The following SCAF4 variants were observed in gnomAD, a reference collection of about 807,000 sequenced individuals.
The protein encoded by SCAF4 is SR-related and CTD-associated factor 4.
Under a neutral mutation model 129.8 loss-of-function variants are expected in SCAF4, and 25 were observed. That is an observed-to-expected ratio of 0.19 (90% CI 0.14 to 0.27). SCAF4 has a LOEUF of 0.27. Ranked by LOEUF, SCAF4 falls within the 10% of genes least tolerant of loss-of-function variation. SCAF4 has a pLI of 1.00. For missense variants in SCAF4, 1,246 were observed against 1,457.1 expected (o/e 0.86, Z 2.36); for synonymous variants, 551 against 497.7 (o/e 1.11, Z -1.43).
intron 1 of SCAF4, among the ~76,000 whole-genome samples, chr21:31,710,334 A>G (rs2050770583): frequency 6.6e-6 from 1 of 152,162 alleles, no homozygotes; most frequent in Admixed American, 6.5e-5. Flanking sequence ...AGATCACCTG[A>G]GGTCAGGAGT....
intron 15 of SCAF4, among the ~76,000 whole-genome samples, chr21:31,689,015 G>A (rs9977829): frequency 7.2e-4 from 110 of 152,260 alleles, no homozygotes; most frequent in African/African-American, 2.6e-3. Flanking sequence ...CTGAGGCTCT[G>A]GCTCCATCAG....
At chr21:31,677,514 C>T (rs1305928491) in intron 19 of SCAF4, among the ~76,000 whole-genome samples, 1 of 152,158 alleles carries the variant, frequency 6.6e-6, no homozygotes, top group Non-Finnish European at 1.5e-5. Flanking sequence ...TGTAACTGGG[C>T]TTTTGAACTC....
At position 31,694,924 on chromosome 21, in the gene SCAF4, T is replaced by C; in HGVS notation, c.1125A>G (p.Pro375=). 1 of 1,614,008 alleles carries C rather than the reference T, an allele frequency of 6.2e-7. No homozygotes were observed. Among genetic ancestry groups the C allele is most frequent in the Non-Finnish European group, 8.5e-7 (1 of 1,179,950 alleles). Residue 375 remains proline, a synonymous_variant, in exon 10 of 20, where the codon CCA becomes CCG. Coordinates refer to ENST00000286835, the MANE Select transcript of SCAF4 (RefSeq NM_020706.2). The part of the protein sequence containing the change: ...MPGFGLLPTP[P]FPPMAQPVIP... ...TCACAGGCTGAGCCATGGGAGGAAATGGAGGTGTAGGAAGAAGTCCAAATC... is the reference window on the plus strand; with the variant it reads ...TCACAGGCTGAGCCATGGGAGGAAACGGAGGTGTAGGAAGAAGTCCAAATC...
In SCAF4 at chr21:31,693,421, A is replaced by G. The variant is rs745673042; in HGVS notation, c.1386T>C (p.Ser462=). The G allele has an allele frequency of 1.9e-6, 3 of 1,568,194 alleles. No individual in the cohort carries two copies. The highest frequency in any genetic ancestry group is 2.6e-6 in the Non-Finnish European group (3 of 1,147,996). ...SRSRRSRHRR[S]RSRSRDRRRH... is the part of the protein sequence containing the mutation. ...GGCGTCTATCCCTGGACCGAGATCGAGAACGTCGATGCCGAGACCTTCGAG... is the reference window on the plus strand; with the variant it reads ...GGCGTCTATCCCTGGACCGAGATCGGGAACGTCGATGCCGAGACCTTCGAG... The change falls in exon 12 of 20, where the codon TCT becomes TCC. Residue 462 remains serine (S), a synonymous_variant. Transcript: ENST00000286835.
Position 31,671,455 on chromosome 21 carries a change from T to G in SCAF4, c.3388A>C (p.Thr1130Pro). ...TCCTTTTCGGGTTCAACGGATGAGG[T>G]AGCCTCAGCAGGTAACTCTTCAGAA... Reference protein sequence around the residue: ...KPSEELPAEATSSVEPEKDSG... With the variant: ...KPSEELPAEAPSSVEPEKDSG... The change falls in exon 20 of 20, where the codon ACC (threonine) becomes CCC (proline). Residue 1130 changes from threonine to proline, a missense_variant. By Grantham distance (38) the Thr-to-Pro change is conservative. Coordinates refer to ENST00000286835, the MANE Select transcript of SCAF4 (RefSeq NM_020706.2). The G allele has an allele frequency of 6.2e-7, 1 of 1,614,010 alleles. No individual in the cohort carries two copies. The highest frequency in any genetic ancestry group is 8.5e-7 in the Non-Finnish European group (1 of 1,179,908).
rs201723551 is a variant in SCAF4, at chr21:31,672,250, T to C, written c.2593A>G (p.Met865Val). The C allele has an allele frequency of 6.2e-7, 1 of 1,613,244 alleles. No individual in the cohort carries two copies. Among genetic ancestry groups the C allele is most frequent in the Admixed American group, 1.7e-5 (1 of 59,876 alleles). ...AACCGCTGTAAGTGAGGTGGGGGCA[T>C]TCCTGGAGGGCGCTGGAGTGGGATG... ...GLIPLQRPPGMPPPHLQRFPL... is the reference protein window; with the variant it reads ...GLIPLQRPPGVPPPHLQRFPL... The change falls in exon 20 of 20, where the codon ATG becomes GTG. Residue 865 changes from methionine (M) to valine (V), a missense_variant. This residue lies in a region of SCAF4 where 468 missense variants were observed against 605.5 expected (regional missense o/e 0.77). Transcript: ENST00000286835.
intron 15 of SCAF4, among the ~76,000 whole-genome samples, chr21:31,688,891 A>C (rs2050191979): frequency 6.6e-6 from 1 of 152,204 alleles, no homozygotes; most frequent in African/African-American, 2.4e-5. Context: ...ATAATGAAAC[A>C]CCCAATATTT....
At chr21:31,690,356 G>A (rs773657161) in intron 15 of SCAF4, among the ~76,000 whole-genome samples, 2 of 152,038 alleles carry the variant, frequency 1.3e-5, no homozygotes, top group Non-Finnish European at 2.9e-5. Context: ...AAGGTGGCAC[G>A]CGCCTGTAGT....
intron 1 of SCAF4, chr21:31,713,005 T>A (rs1190168823): frequency 4.2e-6 from 1 of 237,532 alleles, no homozygotes; most frequent in East Asian, 1.8e-4. Context: ...AAATCAATTA[T>A]ACTGCTCATT....
At position 31,685,551 on chromosome 21, in the gene SCAF4, C is replaced by T. The variant is rs1291941329; in HGVS notation, c.2209+17G>A. 1.9e-6 allele frequency: 3 copies of T among 1,613,904 alleles called. No individual in the cohort carries two copies. The highest frequency in any genetic ancestry group is 2.2e-5 in the East Asian group (1 of 44,866). On this transcript the variant is annotated intron_variant, in intron 17 of 19. Transcript: ENST00000286835. ...CATCGCAGGCTCTAAAGTATGTTCA[C>T]AGACAATTTAGTGTACCTGGTGGTA... is the stretch of plus-strand genomic sequence containing the variant.
chr21:31,720,358 C>T (rs1265035373), intron 1 of SCAF4, among the ~76,000 whole-genome samples: 1 of 152,186 alleles, frequency 6.6e-6, no homozygotes, highest in Non-Finnish European at 1.5e-5. Flanking sequence ...TACTGCATTA[C>T]TGTGGATGGC....
chr21:31,709,854 T>TAAAA (rs560133020), intron 1 of SCAF4, among the ~76,000 whole-genome samples: 9 of 135,620 alleles, frequency 6.6e-5, no homozygotes, highest in Non-Finnish European at 1.1e-4. Flanking sequence ...AGATGATACT[T>TAAAA]AAAAAAAAAA....
chr21:31,671,243 TTTTTAAATAGAAGGGAAGCA>T lies in SCAF4; in HGVS notation c.*136_*155del. On this transcript the variant is annotated 3_prime_UTR_variant, in exon 20 of 20. Transcript: ENST00000286835. ...AGTATTTTTTGTTATTTTGTGGCTATTTTTAAATAGAAGGGAAGCAATCAAATTGCTTACAGTTCCCCACC... is the reference window on the plus strand; with the variant it reads ...AGTATTTTTTGTTATTTTGTGGCTATATCAAATTGCTTACAGTTCCCCACC... 1 of 641,976 alleles carries T rather than the reference TTTTTAAATAGAAGGGAAGCA, an allele frequency of 1.6e-6. No individual in the cohort carries two copies. The highest frequency in any genetic ancestry group is 2.4e-6 in the Non-Finnish European group (1 of 416,334). 39.8% of individuals were successfully genotyped at this position (641,976 alleles called of 1,614,324 possible).
intron 1 of SCAF4, among the ~76,000 whole-genome samples, chr21:31,730,860 T>C (rs753916947): frequency 2.0e-5 from 3 of 152,178 alleles, no homozygotes; most frequent in African/African-American, 7.2e-5. Context: ...CACATGTAAA[T>C]GTCCTCGTAG....
intron 1 of SCAF4, among the ~76,000 whole-genome samples, chr21:31,712,305 C>T (rs1303394659): frequency 6.7e-6 from 1 of 150,234 alleles, no homozygotes; most frequent in East Asian, 2.0e-4. Context: ...GCAACCTCTG[C>T]CTCCCGGTTT....
rs371229561 is a variant in SCAF4 at position 31,691,901 on chromosome 21, A to G, written c.1644T>C (p.Ile548=). Residue 548 remains isoleucine (I), a synonymous_variant, in exon 14 of 20, where the codon ATT becomes ATC. Transcript: ENST00000286835. Reference sequence around the variant, plus strand: ...AGGCATCTTGCCTATGAACCATAACAATATAGGCACAACCCCTGGGAGGAA... The same window carrying G: ...AGGCATCTTGCCTATGAACCATAACGATATAGGCACAACCCCTGGGAGGAA... ...NMIPPRGCAY[I]VMVHRQDAYR... 2.5e-6 allele frequency: 4 copies of G among 1,602,464 alleles called. No individual in the cohort carries two copies. The highest frequency in any genetic ancestry group is 2.2e-5 in the East Asian group (1 of 44,740).
chr21:31,690,933 T>C lies in SCAF4; in HGVS notation c.1749A>G (p.Lys583=). The C allele has an allele frequency of 6.2e-7, 1 of 1,610,628 alleles. No individual in the cohort carries two copies. The highest frequency in any genetic ancestry group is 8.5e-7 in the Non-Finnish European group (1 of 1,178,558). Residue 583 remains lysine, a synonymous_variant, in exon 15 of 20, where the codon AAA becomes AAG. Coordinates refer to ENST00000286835, the MANE Select transcript of SCAF4 (RefSeq NM_020706.2). ...KSIKIAWALN[K]GIKADYKQYW... is the part of the protein sequence containing the mutation. ...ACTGCTTATAATCTGCCTTTATTCC[T>C]TTGTTTAAGGCCCAGGCAATCTATT...
At chr21:31,689,990 C>T (rs947907292) in intron 15 of SCAF4, among the ~76,000 whole-genome samples, 21 of 151,984 alleles carry the variant, frequency 1.4e-4, no homozygotes, top group African/African-American at 4.8e-4. Flanking sequence ...TCCTATGCTC[C>T]TCCTGTTCCT....
chr21:31,671,509 C>G lies in SCAF4; in HGVS notation c.3334G>C (p.Gly1112Arg), dbSNP rs745643947. The change falls in exon 20 of 20, where the codon GGG (glycine) becomes CGG (arginine). Residue 1112 changes from glycine to arginine, a missense_variant. Transcript: ENST00000286835. ...NVDTASELEK[G>R]VSEAAVLKPS... ...TTTAGGACTGCAGCCTCAGACACCC[C>G]CTTCTCAAGTTCTGAAGCAGTGTCT... 36 of 1,614,044 alleles carry G rather than the reference C, an allele frequency of 2.2e-5. No homozygotes were observed. The South Asian group carries it at 3.2e-4, about 14-fold the overall frequency.
Sources: gnomAD v4.1 joint callset for allele counts (sites outside exome capture counted in the v4.1 genomes callset) on GRCh38, gnomAD v4.1.1 for gene constraint, gnomAD v4.1.1 regional missense constraint, MANE v1.5 for transcripts, NCBI Gene and HGNC (gene_info 2026-07-23, HGNC 2026-07-21) for gene names.